The following TLN2 variants were observed in gnomAD, a reference collection of about 807,000 sequenced individuals.
The protein encoded by TLN2 is talin-2.
A neutral mutation model predicts 294.7 loss-of-function variants in TLN2; 118 were observed. The observed-to-expected ratio is 0.40, with a 90% CI of 0.34 to 0.47. The LOEUF (loss-of-function observed/expected upper bound fraction) is 0.47. TLN2 is among the 20% of genes least tolerant of loss of function. The pLI, the probability that TLN2 is intolerant of heterozygous loss-of-function variation, is 0.84. For synonymous variants in TLN2, 1,431 were observed against 1,304.5 expected, an observed-to-expected ratio of 1.10 and a Z score of -2.09; for missense variants, 3,083 against 3,282.2, an observed-to-expected ratio of 0.94 and a Z score of 1.48.
At chr15:62,547,358 C>T (rs2042051203) in intron 1 of TLN2, among the ~76,000 whole-genome samples, 1 of 152,164 alleles carries the variant, frequency 6.6e-6, no homozygotes, top group Non-Finnish European at 1.5e-5. Flanking sequence ...ACGTTGACAT[C>T]TTTGTGGCTC....
At chr15:62,615,960 T>C (rs1432741894) in intron 2 of TLN2, among the ~76,000 whole-genome samples, 8 of 152,214 alleles carry the variant, frequency 5.3e-5, no homozygotes, top group African/African-American at 1.9e-4. Context: ...TTTTTGTATC[T>C]GTTTCCTCGC....
At chr15:62,520,677 T>G (rs1486180478) in intron 1 of TLN2, among the ~76,000 whole-genome samples, 3 of 152,212 alleles carry the variant, frequency 2.0e-5, no homozygotes, top group Non-Finnish European at 2.9e-5. Flanking sequence ...ACCGTATATG[T>G]TGCTAAGCGG....
intron 1 of TLN2, among the ~76,000 whole-genome samples, chr15:62,588,204 G>C (rs1259717655): frequency 6.6e-6 from 1 of 151,982 alleles, no homozygotes; most frequent in Non-Finnish European, 1.5e-5. Flanking sequence ...TTTATTGTTA[G>C]TATAGTTGCT....
intron 1 of TLN2, among the ~76,000 whole-genome samples, chr15:62,551,543 C>T (rs1452815095): frequency 2.3e-4 from 35 of 150,912 alleles, no homozygotes; most frequent in Non-Finnish European, 1.3e-4. Flanking sequence ...CACACACACA[C>T]ACACAAATAG....
chr15:62,684,819 G>A (rs145516384), intron 11 of TLN2, among the ~76,000 whole-genome samples: 1 of 150,856 alleles, frequency 6.6e-6, no homozygotes, highest in Non-Finnish European at 1.5e-5. Context: ...GAAAAATGAT[G>A]ATACCAGTGT....
chr15:62,424,499 C>T (rs2034590507), intron 1 of TLN2, among the ~76,000 whole-genome samples: 1 of 152,204 alleles, frequency 6.6e-6, no homozygotes, highest in African/African-American at 2.4e-5. Flanking sequence ...CCTCCACCTG[C>T]ATCTCTTGCT....
chr15:62,764,874 G>A (rs965540495), intron 40 of TLN2, among the ~76,000 whole-genome samples: 6 of 151,654 alleles, frequency 4.0e-5, no homozygotes, highest in African/African-American at 1.5e-4. Context: ...GGCTGAGGCA[G>A]GAGAATTGCT....
At chr15:62,431,543 G>A (rs893711163) in intron 1 of TLN2, among the ~76,000 whole-genome samples, 1 of 152,162 alleles carries the variant, frequency 6.6e-6, no homozygotes, top group Non-Finnish European at 1.5e-5. Flanking sequence ...GGTTTCTCAG[G>A]GTTTGTGCCT....
chr15:62,420,012 GA>G (rs1407352661), intron 1 of TLN2, among the ~76,000 whole-genome samples: 1 of 152,192 alleles, frequency 6.6e-6, no homozygotes, highest in African/African-American at 2.4e-5. Flanking sequence ...GGCTCTTTGA[GA>G]TTCCCTGTTG....
intron 54 of TLN2, among the ~76,000 whole-genome samples, chr15:62,822,195 C>A (rs953942071): frequency 6.6e-6 from 1 of 152,242 alleles, no homozygotes; most frequent in African/African-American, 2.4e-5. Context: ...GATGGGAAAA[C>A]AAAATTATTA....
intron 12 of TLN2, among the ~76,000 whole-genome samples, chr15:62,688,393 G>A (rs2057476049): frequency 6.6e-6 from 1 of 152,028 alleles, no homozygotes; most frequent in South Asian, 2.1e-4. Flanking sequence ...CAGTCCTTTT[G>A]AAATTTTAAG....
intron 1 of TLN2, among the ~76,000 whole-genome samples, chr15:62,444,366 G>T (rs748095337): frequency 3.9e-5 from 6 of 152,244 alleles, no homozygotes; most frequent in Non-Finnish European, 8.8e-5. Flanking sequence ...TGAATCTTAT[G>T]TAAGAAGTAA....
chr15:62,625,216 C>G (rs946626053), intron 3 of TLN2, among the ~76,000 whole-genome samples: 2 of 152,048 alleles, frequency 1.3e-5, no homozygotes, highest in Non-Finnish European at 2.9e-5. Flanking sequence ...GGGCTTCAGA[C>G]TATGACTCAG....
chr15:62,779,347 G>A (rs181755744), intron 43 of TLN2, among the ~76,000 whole-genome samples: 10 of 152,060 alleles, frequency 6.6e-5, no homozygotes, highest in East Asian at 3.9e-4. Flanking sequence ...TTTTGTTTTC[G>A]TTTTGTTTTT....
intron 1 of TLN2, among the ~76,000 whole-genome samples, chr15:62,477,405 C>T (rs1384421468): frequency 6.6e-6 from 1 of 152,112 alleles, no homozygotes; most frequent in Non-Finnish European, 1.5e-5. Flanking sequence ...TACTGGAGAC[C>T]CTCAGGGTTT....
rs542106830 is a variant in TLN2 at position 62,581,127 on chromosome 15, G to A, written c.-237-8560G>A. ...TCCTAACACCTCAAGTGATCCGCCT[G>A]CCTTGGCCTCCTAAAGTGCCATGAT... On this transcript the variant is annotated intron_variant, in intron 1 of 58. Transcript: ENST00000636159. Among the ~76,000 whole-genome samples, 14 of 152,226 alleles carry A rather than the reference G, an allele frequency of 9.2e-5. No individual in the cohort carries two copies. In the South Asian group the frequency reaches 1.7e-3, roughly 18 times the overall value.
At chr15:62,792,521 G>A (rs937846318) in intron 45 of TLN2, 120 bp from the exon 46 acceptor site, 1 of 1,340,786 alleles carries the variant, frequency 7.5e-7, no homozygotes, top group African/African-American at 1.5e-5. Context: ...ACTCCTAATA[G>A]GAGTGGAATT....
chr15:62,562,995 T>C (rs1054728703), intron 1 of TLN2, among the ~76,000 whole-genome samples: 2 of 149,256 alleles, frequency 1.3e-5, no homozygotes, highest in Non-Finnish European at 3.0e-5. Context: ...CCCTCGTTGA[T>C]TGATGGGCAT....
chr15:62,758,899 G>A (rs2062478371), intron 37 of TLN2, among the ~76,000 whole-genome samples: 3 of 152,164 alleles, frequency 2.0e-5, no homozygotes, highest in African/African-American at 7.2e-5. Flanking sequence ...GGAGAATTGG[G>A]AGTTTAAGCT....
Sources: allele counts gnomAD v4.1 joint callset (sites outside exome capture counted in the v4.1 genomes callset), GRCh38; gene constraint gnomAD v4.1.1; transcripts MANE v1.5; gene names NCBI Gene and HGNC (gene_info 2026-07-23, HGNC 2026-07-21).